Variants in NLGN3 observed in about 807,000 individuals in gnomAD.
The protein encoded by NLGN3 is neuroligin 3.
NLGN3 carries 11 observed loss-of-function variants against 42.9 expected under a neutral mutation model. The observed-to-expected ratio is 0.26, with a 90% CI of 0.16 to 0.42. The LOEUF is 0.42. NLGN3 is among the 10% of genes least tolerant of loss of function. The pLI, the probability that NLGN3 is intolerant of heterozygous loss-of-function variation, is 1.00. For missense variants in NLGN3, 374 were observed against 733.8 expected, an observed-to-expected ratio of 0.51 and a Z score of 5.67; for synonymous variants, 279 against 312.7, an observed-to-expected ratio of 0.89 and a Z score of 1.14.
In NLGN3 at chrX:71,167,762, T is replaced by A. The variant is rs2092451455; in HGVS notation, c.1665T>A (p.Ala555=). ...CCAAGAATGATGTTATGCTCAGTGCTGTCGTCATGACCTATTGGACCAACT... is the reference window on the plus strand; with the variant it reads ...CCAAGAATGATGTTATGCTCAGTGCAGTCGTCATGACCTATTGGACCAACT... ...NFSKNDVMLS[A]VVMTYWTNFA... The change falls in exon 7 of 8, where the codon GCT becomes GCA. Residue 555 remains alanine (A), a synonymous_variant. Coordinates refer to ENST00000358741, the MANE Select transcript of NLGN3 (RefSeq NM_181303.2). 1 of 1,211,622 alleles carries A rather than the reference T, an allele frequency of 8.3e-7. No individual in the cohort carries two copies. The highest frequency in any genetic ancestry group is 1.7e-5 in the African/African-American group (1 of 57,696).
rs754598273 is a variant in NLGN3, at chrX:71,169,904, G to A, written c.2354G>A (p.Arg785His). The A allele has an allele frequency of 1.3e-5, 15 of 1,197,836 alleles. No individual in the cohort carries two copies. Among genetic ancestry groups the A allele is most frequent in the East Asian group, 9.1e-5 (3 of 32,888 alleles). Reference sequence around the variant, plus strand: ...GCCGGTCCCCCCCATGACACGCTGCGCCTCACTGCATTGCCCGACTACACC... The same window carrying A: ...GCCGGTCCCCCCCATGACACGCTGCACCTCACTGCATTGCCCGACTACACC... ...CEAGPPHDTL[R>H]LTALPDYTLT... The change falls in exon 8 of 8, where the codon CGC (arginine) becomes CAC (histidine). Residue 785 changes from arginine (R) to histidine (H), a missense_variant. Around this residue, in one of 6 missense-constraint regions of NLGN3, gnomAD observed 92 missense variants for 108.0 expected, o/e 0.85. Transcript: ENST00000358741.
chrX:71,166,065 T>C (rs1019465033), intron 6 of NLGN3, among the ~76,000 whole-genome samples: 2 of 111,132 alleles, frequency 1.8e-5, no homozygotes, highest in African/African-American at 6.6e-5. Flanking sequence ...CTTTTTTTTT[T>C]TCTAGAGGGG....
chrX:71,168,083 G>A (rs187067901), intron 7 of NLGN3, among the ~76,000 whole-genome samples: 3 of 111,508 alleles, frequency 2.7e-5, no homozygotes, highest in Non-Finnish European at 5.6e-5. Context: ...AGTGGCTCAC[G>A]GCTGTAATCC....
In NLGN3 at chrX:71,146,253, C is replaced by T. The variant is rs1278780958; in HGVS notation, c.-201+1289C>T. On this transcript the variant is annotated intron_variant, in intron 1 of 7. Coordinates refer to ENST00000358741, the MANE Select transcript of NLGN3 (RefSeq NM_181303.2). ...TTCCCCTCTCGTGGTGGCTGATTGC[C>T]GGGCGTTCCCAATCTCCCTCCCCCA... Among the ~76,000 whole-genome samples the T allele has an allele frequency of 5.9e-5, 6 of 102,193 alleles. No homozygotes were observed. In the Admixed American group the frequency reaches 6.4e-4, roughly 11 times the overall value. 88.7% of individuals were successfully genotyped at this position (102,193 alleles called of 115,157 possible). A position where few individuals can be genotyped will look rare whatever the true frequency, so the allele number is the denominator to read the frequency against.
chrX:71,170,725 C>CA lies in NLGN3; in HGVS notation c.*629dup. 1 of 761,118 alleles carries CA rather than the reference C, an allele frequency of 1.3e-6. No individual in the cohort carries two copies. Among genetic ancestry groups the CA allele is most frequent in the Non-Finnish European group, 1.6e-6 (1 of 643,141 alleles). 62.7% of individuals were successfully genotyped at this position (761,118 alleles called of 1,213,427 possible). ...AGGAACAAGACCCCCAGGAAGGAAA[C>CA]AGATTTAAGCAAGACCATGGGGTGG... On this transcript the variant is annotated 3_prime_UTR_variant, in exon 8 of 8. Coordinates refer to ENST00000358741, the MANE Select transcript of NLGN3 (RefSeq NM_181303.2).
intron 6 of NLGN3, among the ~76,000 whole-genome samples, chrX:71,165,142 C>T (rs1287343198): frequency 1.8e-5 from 2 of 111,731 alleles, no homozygotes; most frequent in African/African-American, 6.5e-5. Context: ...TGAACACTAA[C>T]CCCCTGAGTT....
intron 5 of NLGN3, among the ~76,000 whole-genome samples, chrX:71,163,285 A>G (rs1351037624): frequency 8.9e-6 from 1 of 112,027 alleles, no homozygotes; most frequent in Non-Finnish European, 1.9e-5. Context: ...CACCAGATGA[A>G]AAAGATGGTC....
intron 5 of NLGN3, among the ~76,000 whole-genome samples, chrX:71,161,458 T>C (rs1198861415): frequency 9.0e-6 from 1 of 110,525 alleles, no homozygotes; most frequent in African/African-American, 3.3e-5. Context: ...GTAGGGATCA[T>C]TGACATGGCA....
chrX:71,171,241 G>A (rs758439043), downstream of NLGN3: 3 of 745,874 alleles, frequency 4.0e-6, no homozygotes, highest in East Asian at 1.6e-4. Context: ...ACAGACCTCC[G>A]AACAGGGTGC....
intron 5 of NLGN3, among the ~76,000 whole-genome samples, chrX:71,158,390 GCA>G (rs1447711655): frequency 8.9e-6 from 1 of 112,173 alleles, no homozygotes; most frequent in Non-Finnish European, 1.9e-5. Context: ...CGGCTGGGCT[GCA>G]CAGTTTCTAG....
At chrX:71,161,115 CTTT>C (rs375604446) in intron 5 of NLGN3, among the ~76,000 whole-genome samples, 2 of 91,204 alleles carry the variant, frequency 2.2e-5, no homozygotes, top group Non-Finnish European at 4.3e-5. Context: ...TCTTTTCTTT[CTTT>C]TTTTTTTTTT....
chrX:71,151,484 C>A (rs2092391293), intron 3 of NLGN3, among the ~76,000 whole-genome samples: 2 of 111,422 alleles, frequency 1.8e-5, no homozygotes, highest in Admixed American at 1.9e-4. Flanking sequence ...TTGAGGGAGA[C>A]CCATCCTCGG....
downstream of NLGN3, among the ~76,000 whole-genome samples, chrX:71,172,925 G>C (rs761259578): frequency 4.5e-5 from 5 of 110,661 alleles, no homozygotes; most frequent in South Asian, 1.9e-3. Context: ...GCTACTAAGG[G>C]AAGCACTGGT....
intron 5 of NLGN3, among the ~76,000 whole-genome samples, chrX:71,158,429 A>G (rs2092417653): frequency 8.9e-6 from 1 of 112,329 alleles, no homozygotes; most frequent in South Asian, 3.6e-4. Flanking sequence ...AAATGTGATC[A>G]CAAACAGATA....
In NLGN3 at chrX:71,153,504, A is replaced by ACTT. The variant is rs2092397948; in HGVS notation, c.546_548dup (p.Asp182_Leu183insPhe). 8.3e-7 allele frequency: 1 copy of ACTT among 1,209,346 alleles called. No homozygotes were observed. The highest frequency in any genetic ancestry group is 1.1e-6 in the Non-Finnish European group (1 of 894,156). On this transcript the variant is annotated inframe_insertion, in exon 4 of 8. Coordinates refer to ENST00000358741, the MANE Select transcript of NLGN3 (RefSeq NM_181303.2). Reference sequence around the variant, plus strand: ...TCCGGCGCTAAGAAACAGGGCGAGGACTTAGCGGATAATGACGGGGATGAA... The same window carrying ACTT: ...TCCGGCGCTAAGAAACAGGGCGAGGACTTCTTAGCGGATAATGACGGGGATGAA...
At chrX:71,166,949 G>A (rs2092449166) in intron 6 of NLGN3, 62 bp from the exon 7 acceptor site, 20 of 1,006,133 alleles carry the variant, frequency 2.0e-5, no homozygotes, top group South Asian at 1.0e-4. Flanking sequence ...ACAAAGGAAT[G>A]AAGAGATTTA....
chrX:71,154,007 G>A (rs551783389), intron 4 of NLGN3, among the ~76,000 whole-genome samples: 14 of 111,776 alleles, frequency 1.3e-4, no homozygotes, highest in African/African-American at 4.5e-4. Flanking sequence ...GTGAGGCAGT[G>A]ACAACCAAAG....
chrX:71,172,775 G>T (rs1417978821), downstream of NLGN3, among the ~76,000 whole-genome samples: 1 of 110,904 alleles, frequency 9.0e-6, no homozygotes, highest in Admixed American at 9.7e-5. Flanking sequence ...CAGAGCTGAT[G>T]ACCTGTTCTC....
chrX:71,157,210 C>A (rs1363566148), intron 5 of NLGN3, among the ~76,000 whole-genome samples: 1 of 111,516 alleles, frequency 9.0e-6, no homozygotes, highest in Non-Finnish European at 1.9e-5. Context: ...GACAGGGTCT[C>A]ACTCTTGCCC....
Sources: allele counts gnomAD v4.1 joint callset (sites outside exome capture counted in the v4.1 genomes callset), GRCh38; gene constraint gnomAD v4.1.1; regional missense constraint gnomAD v4.1.1; transcripts MANE v1.5; gene names NCBI Gene and HGNC (gene_info 2026-07-23, HGNC 2026-07-21).